Variants in UBE2D3 observed in about 807,000 individuals in gnomAD.
UBE2D3 encodes the protein ubiquitin conjugating enzyme E2 D3, also known as ubiquitin-conjugating enzyme E2 D3.
In UBE2D3, 2 loss-of-function variants were observed where a neutral mutation model predicts 22.8. That is an observed-to-expected ratio of 0.09 (90% confidence interval 0.04 to 0.28). The LOEUF (loss-of-function observed/expected upper bound fraction) is 0.28, where lower values mean the gene tolerates loss of function less well. Among genes scored for constraint, UBE2D3 ranks in the 10% least tolerant of loss-of-function variants. UBE2D3 has a pLI of 1.00. For synonymous variants in UBE2D3, 56 were observed against 60.4 expected (o/e 0.93, Z 0.34); for missense variants, 27 against 182.5 (o/e 0.15, Z 4.91).
intron 1 of UBE2D3, among the ~76,000 whole-genome samples, chr4:102,838,640 T>G (rs533846707): frequency 1.3e-5 from 2 of 152,196 alleles, no homozygotes; most frequent in South Asian, 4.1e-4. Flanking sequence ...GTTTTCTTGG[T>G]GTTCAATGTT....
chr4:102,855,664 C>A (rs1405321637), intron 1 of UBE2D3, among the ~76,000 whole-genome samples: 1 of 152,152 alleles, frequency 6.6e-6, no homozygotes, highest in African/African-American at 2.4e-5. Flanking sequence ...CTCAAGCAAT[C>A]ATCCTGCCTT....
chr4:102,808,523 G>C (rs1341526627), intron 4 of UBE2D3, among the ~76,000 whole-genome samples: 10 of 151,536 alleles, frequency 6.6e-5, no homozygotes, highest in Admixed American at 5.2e-4. Flanking sequence ...GTCTTACTTT[G>C]ATTTAGTTTT....
At chr4:102,833,043 TAATAA>T (rs1329094565) in intron 1 of UBE2D3, among the ~76,000 whole-genome samples, 1 of 151,174 alleles carries the variant, frequency 6.6e-6, no homozygotes, top group African/African-American at 2.4e-5. Flanking sequence ...TATGATATTC[TAATAA>T]AATAACTTGA....
At chr4:102,852,406 G>A (rs988114124) in intron 1 of UBE2D3, among the ~76,000 whole-genome samples, 1 of 152,002 alleles carries the variant, frequency 6.6e-6, no homozygotes, top group Admixed American at 6.6e-5. Flanking sequence ...ACATTCCCTC[G>A]TATATATATG....
intron 2 of UBE2D3, among the ~76,000 whole-genome samples, chr4:102,821,972 C>G (rs1729691806): frequency 6.6e-6 from 1 of 152,152 alleles, no homozygotes; most frequent in Admixed American, 6.5e-5. Flanking sequence ...ATTTTTTTAT[C>G]TCAGTGTTAC....
At position 102,809,867 on chromosome 4, in the gene UBE2D3, C is replaced by T. The variant is rs77219984; in HGVS notation, c.25-12G>A. ...AAATCACTAAGTTCCTACACCAAGA[C>T]AGAAAATGGGTGAGTCACATAAGCT... On this transcript the variant is annotated splice_polypyrimidine_tract_variant and intron_variant, in intron 2 of 7. Coordinates refer to ENST00000453744, the MANE Select transcript of UBE2D3 (RefSeq NM_181891.3). 2,928 of 1,612,354 alleles carry T rather than the reference C, an allele frequency of 1.8e-3. 54 individuals are homozygous for T. In the East Asian group the frequency reaches 0.052, roughly 29 times the overall value.
At chr4:102,818,146 G>C (rs1183710959) in intron 2 of UBE2D3, among the ~76,000 whole-genome samples, 1 of 152,122 alleles carries the variant, frequency 6.6e-6, no homozygotes, top group Non-Finnish European at 1.5e-5. Flanking sequence ...TGTTTGGTTG[G>C]GGACACTGAC....
At chr4:102,837,990 A>T (rs906906681) in intron 1 of UBE2D3, among the ~76,000 whole-genome samples, 8 of 151,982 alleles carry the variant, frequency 5.3e-5, no homozygotes, top group African/African-American at 1.9e-4. Flanking sequence ...ATTTTCTAAA[A>T]TAGCTGTAGT....
Position 102,868,072 on chromosome 4 carries a change from C to CTTTTTTT in UBE2D3, c.-129+636_-129+642dup, listed in dbSNP as rs11418599. On this transcript the variant is annotated intron_variant, in intron 1 of 7. Transcript: ENST00000338145. ...AAAACCATACATAAGGCTTTAGATTCTTTTTTTTTTTTTTTTTTGTGACGG... is the reference window on the plus strand; with the variant it reads ...AAAACCATACATAAGGCTTTAGATTCTTTTTTTTTTTTTTTTTTTTTTTTTGTGACGG... 3.8e-3 allele frequency among the ~76,000 whole-genome samples: 437 copies of CTTTTTTT among 115,214 alleles called. 14 individuals are homozygous for CTTTTTTT. The highest frequency in any genetic ancestry group is 0.015 in the Middle Eastern group (3 of 204). 75.6% of individuals were successfully genotyped at this position (115,214 alleles called of 152,430 possible).
chr4:102,833,237 A>G (rs146525381), intron 1 of UBE2D3, among the ~76,000 whole-genome samples: 201 of 151,808 alleles, frequency 1.3e-3, no homozygotes, highest in African/African-American at 4.8e-3. Context: ...CCATGTCTGT[A>G]CTAACTGCTG....
Position 102,794,980 on chromosome 4 carries a change from G to A in UBE2D3, c.*2435C>T, listed in dbSNP as rs1208950170. On this transcript the variant is annotated 3_prime_UTR_variant, in exon 8 of 8. Coordinates refer to ENST00000453744, the MANE Select transcript of UBE2D3 (RefSeq NM_181891.3). ...TGGCACTAGTAATGTCAAATTACTGGGTGGAGTGGGGCAAAGAGGGCAAAT... is the reference window on the plus strand; with the variant it reads ...TGGCACTAGTAATGTCAAATTACTGAGTGGAGTGGGGCAAAGAGGGCAAAT... 3 of 152,062 alleles carry A rather than the reference G, an allele frequency of 2.0e-5. No individual in the cohort carries two copies. Among genetic ancestry groups the A allele is most frequent in the Non-Finnish European group, 4.4e-5 (3 of 67,960 alleles). The allele number at this position is 152,062 out of a possible 1,614,324, so 9.4% of individuals were successfully genotyped here.
At chr4:102,841,003 G>A (rs1034469824) in intron 1 of UBE2D3, among the ~76,000 whole-genome samples, 2 of 149,472 alleles carry the variant, frequency 1.3e-5, no homozygotes, top group African/African-American at 4.9e-5. Flanking sequence ...CTGGGTGACA[G>A]AACAAGACTC....
intron 7 of UBE2D3, chr4:102,798,905 C>T (rs937887979): frequency 1.2e-6 from 2 of 1,610,550 alleles, no homozygotes; most frequent in African/African-American, 2.7e-5. Context: ...AATAAGCGCA[C>T]CATAGAGTGC....
At chr4:102,825,917 T>C in intron 2 of UBE2D3, 2 of 394,304 alleles carry the variant, frequency 5.1e-6, no homozygotes, top group South Asian at 3.7e-5. Flanking sequence ...AACCCACTTA[T>C]TCGGTGTAAC....
chr4:102,836,994 A>C (rs1382614390), intron 1 of UBE2D3: 6 of 152,368 alleles, frequency 3.9e-5, no homozygotes, highest in African/African-American at 1.4e-4. Flanking sequence ...TTTGCGAGAT[A>C]GCAAAATTTA....
chr4:102,822,181 C>T (rs1413918446), intron 2 of UBE2D3, among the ~76,000 whole-genome samples: 1 of 152,208 alleles, frequency 6.6e-6, no homozygotes, highest in African/African-American at 2.4e-5. Flanking sequence ...AGAATCAACA[C>T]TGCAGATGAG....
At chr4:102,836,276 A>C (rs1731395499) in intron 1 of UBE2D3, among the ~76,000 whole-genome samples, 1 of 149,924 alleles carries the variant, frequency 6.7e-6, no homozygotes, top group African/African-American at 2.5e-5. Context: ...CCTCCTGAGT[A>C]GCTGGGACTA....
intron 2 of UBE2D3, chr4:102,825,920 G>GGT (rs1730392423): frequency 2.6e-6 from 1 of 382,698 alleles, no homozygotes; most frequent in African/African-American, 2.1e-5. Context: ...CCACTTATTC[G>GGT]GTGTAACCTG....
intron 5 of UBE2D3, 55 bp from the exon 6 acceptor site, chr4:102,801,614 G>T: frequency 7.3e-7 from 1 of 1,372,316 alleles, no homozygotes; most frequent in Non-Finnish European, 1.0e-6. Flanking sequence ...ATCTTTTAAA[G>T]CAAAACTTAA....
Sources: allele counts gnomAD v4.1 joint callset (sites outside exome capture counted in the v4.1 genomes callset), GRCh38; gene constraint gnomAD v4.1.1; transcripts MANE v1.5; gene names NCBI Gene and HGNC (gene_info 2026-07-23, HGNC 2026-07-21).